The following KCP variants were observed in gnomAD, a reference collection of about 807,000 sequenced individuals.
KCP encodes kielin cysteine rich BMP regulator.
A neutral mutation model predicts 212.7 loss-of-function variants in KCP; 194 were observed. The observed-to-expected ratio is 0.91, with a 90% confidence interval of 0.81 to 1.03. KCP has a LOEUF of 1.03. KCP is among the 50% of genes least tolerant of loss of function. The pLI, the probability that KCP is intolerant of heterozygous loss-of-function variation, is 0.00. For missense variants in KCP, 2,080 were observed against 2,162.5 expected, an observed-to-expected ratio of 0.96 and a Z score of 0.76; for synonymous variants, 833 against 865.3, an observed-to-expected ratio of 0.96 and a Z score of 0.65.
rs1453468345 is a variant in KCP, at chr7:128,878,693, C to T, written c.4176G>A (p.Glu1392=). The change falls in exon 38 of 40, where the codon GAG becomes GAA. Residue 1392 remains glutamate, a synonymous_variant. Coordinates refer to ENST00000610776, the MANE Select transcript of KCP (RefSeq NM_001366122.1). ...CCTGGTAGGAGCCAGGTACGCTCAC[C>T]TCCACCTGGGACTGCCCATCCCACA... The part of the protein sequence containing the change: ...QVLWDGQSQV[E]VSVPGSYQGR... 7 of 1,550,646 alleles carry T rather than the reference C, an allele frequency of 4.5e-6. No individual in the cohort carries two copies. The highest frequency in any genetic ancestry group is 4.4e-6 in the Non-Finnish European group (5 of 1,146,960).
intron 5 of KCP, chr7:128,904,432 TTC>T (rs948397422): frequency 4.5e-6 from 6 of 1,319,720 alleles, no homozygotes; most frequent in Admixed American, 2.0e-5. Flanking sequence ...TCCTCCCTCT[TTC>T]TCTCTCTCCT....
chr7:128,879,408 GC>G, intron 37 of KCP, 113 bp downstream of exon 37: 1 of 832,836 alleles, frequency 1.2e-6, no homozygotes, highest in South Asian at 1.7e-5. Context: ...CCCACTCCTT[GC>G]CTTTTTTGGC....
In KCP at chr7:128,879,563, G is replaced by A. The variant is rs769548616; in HGVS notation, c.4105C>T (p.Arg1369Ter). 20 of 1,550,398 alleles carry A rather than the reference G, an allele frequency of 1.3e-5. No homozygotes were observed. Among genetic ancestry groups the A allele is most frequent in the African/African-American group, 6.8e-5 (5 of 73,120 alleles). Residue 1369 changes from arginine (R) to a stop codon, truncating the protein, a stop_gained, in exon 37 of 40, where the codon CGA (arginine) becomes TGA (stop). Coordinates refer to ENST00000610776, the MANE Select transcript of KCP (RefSeq NM_001366122.1). LOFTEE classifies it high-confidence loss of function. ...GCGTGCAGGATCACAGTGTGTCCTC[G>A]CAGCTCCACATACAGCAGCGGCTCC... ...LQEPLLYVEL[R>*]GHTVILHAQP...
Position 128,886,549 on chromosome 7 carries a change from C to T in KCP, c.2781G>A (p.Gln927=). Residue 927 remains glutamine, a synonymous_variant, in exon 26 of 40, where the codon CAG becomes CAA. Coordinates refer to ENST00000610776, the MANE Select transcript of KCP (RefSeq NM_001366122.1). ...GGCACTGCAGCCGCACACAGCTGAC[C>T]TGGCCAGCCTGTAGGAGATGCAGGG... ...SCEWCRCQAG[Q]VSCVRLQCPP... 6.4e-7 allele frequency: 1 copy of T among 1,551,120 alleles called. No individual in the cohort carries two copies. The highest frequency in any genetic ancestry group is 8.7e-7 in the Non-Finnish European group (1 of 1,146,770).
At chr7:128,903,877 G>A (rs1474292493) in intron 6 of KCP, 57 bp from the exon 7 acceptor site, 1 of 1,301,656 alleles carries the variant, frequency 7.7e-7, no homozygotes, top group South Asian at 1.3e-5. Context: ...AGGGCTGGGT[G>A]GGCGGGTGTT....
rs546761766 is a variant in KCP, at chr7:128,910,445, C to T, written c.76+156G>A. Among the ~76,000 whole-genome samples, 6 of 152,396 alleles carry T rather than the reference C, an allele frequency of 3.9e-5. No homozygotes were observed. The South Asian group carries it at 1.0e-3, about 26-fold the overall frequency. On this transcript the variant is annotated intron_variant, in intron 1 of 39. Coordinates refer to ENST00000610776, the MANE Select transcript of KCP (RefSeq NM_001366122.1). ...GTGGTCTTCCCCACCCTGCTCGCTC[C>T]CCCGACGGGGAGGACGGAGCTGGCC...
chr7:128,904,835 A>C (rs932078531), intron 5 of KCP, among the ~76,000 whole-genome samples: 3 of 152,260 alleles, frequency 2.0e-5, no homozygotes, highest in Admixed American at 1.3e-4. Context: ...AGCAGATGGC[A>C]GTAAAGTGTC....
chr7:128,901,348 C>T (rs191308848), intron 8 of KCP, among the ~76,000 whole-genome samples: 66 of 152,298 alleles, frequency 4.3e-4, no homozygotes, highest in African/African-American at 1.6e-3. Flanking sequence ...TGCTTTTGGC[C>T]GGGCGTGGTG....
At chr7:128,887,181 A>T (rs1348541381) in intron 23 of KCP, 34 bp downstream of exon 23, 1 of 1,533,420 alleles carries the variant, frequency 6.5e-7, no homozygotes, top group Non-Finnish European at 8.8e-7. Context: ...TCAAGGGAGG[A>T]AAGGTTACCA....
chr7:128,903,996 A>T (rs1352092193), intron 6 of KCP, 60 bp downstream of exon 6: 1 of 1,451,580 alleles, frequency 6.9e-7, no homozygotes, highest in Admixed American at 2.0e-5. Context: ...GGCAGGGCCC[A>T]GGGCAGGGCA....
chr7:128,908,296 A>AAGAAAGAAAGAC (rs1795258980), intron 2 of KCP, 130 bp downstream of exon 2: 1 of 670,482 alleles, frequency 1.5e-6, no homozygotes, highest in Non-Finnish European at 2.1e-6. Flanking sequence ...GAAAGAAAGA[A>AAGAAAGAAAGAC]AGAAAGAAAG....
At chr7:128,880,818 C>T in intron 32 of KCP, 97 bp from the exon 33 acceptor site, 1 of 403,326 alleles carries the variant, frequency 2.5e-6, no homozygotes, top group Non-Finnish European at 4.4e-6. Context: ...CTGCCTGCCC[C>T]TCCCACAATA....
In KCP at chr7:128,892,555, C is replaced by A. The variant is rs2128947745; in HGVS notation, c.1580G>T (p.Arg527Met). The change falls in exon 16 of 40, where the codon AGG (arginine) becomes ATG (methionine). Residue 527 changes from arginine to methionine, a missense_variant. Coordinates refer to ENST00000610776, the MANE Select transcript of KCP (RefSeq NM_001366122.1). Reference protein sequence around the residue: ...LVDCPPTTCARPQSGPGQCCP... With the variant: ...LVDCPPTTCAMPQSGPGQCCP... ...ACACTGGCCTGGTCCACTCTGGGGC[C>A]TGGCACAGGTCGTGGGAGGGCAGTC... 6.5e-7 allele frequency: 1 copy of A among 1,549,144 alleles called. No homozygotes were observed. Among genetic ancestry groups the A allele is most frequent in the Non-Finnish European group, 8.7e-7 (1 of 1,145,444 alleles).
chr7:128,884,926 G>T, intron 27 of KCP, 63 bp from the exon 28 acceptor site: 1 of 1,507,216 alleles, frequency 6.6e-7, no homozygotes, highest in Non-Finnish European at 9.0e-7. Context: ...CGAGGCAGGG[G>T]TGGAGTCCTC....
In KCP at chr7:128,891,578, A is replaced by G; in HGVS notation, c.1796-45T>C. 3 of 1,531,610 alleles carry G rather than the reference A, an allele frequency of 2.0e-6. No individual in the cohort carries two copies. The Middle Eastern group carries it at 5.2e-4, about 267-fold the overall frequency. The allele number at this position is 1,531,610 out of a possible 1,614,324, so 94.9% of individuals were successfully genotyped here. On this transcript the variant is annotated intron_variant, in intron 17 of 39. Coordinates refer to ENST00000610776, the MANE Select transcript of KCP (RefSeq NM_001366122.1). ...TAGCCTGGGAGAGGGCGACTGCCCC[A>G]GGGCGTGCTGCCTTCCGGGGGCCAT... is the stretch of plus-strand genomic sequence containing the variant.
intron 31 of KCP, among the ~76,000 whole-genome samples, 169 bp downstream of exon 31, chr7:128,881,457 T>C (rs1793328253): frequency 6.6e-6 from 1 of 152,104 alleles, no homozygotes; most frequent in East Asian, 1.9e-4. Context: ...GGGTCTCTTC[T>C]CCACCTCAAG....
rs1416269138 is a variant in KCP at position 128,880,659 on chromosome 7, C to T, written c.3576G>A (p.Ala1192=). 16 of 775,324 alleles carry T rather than the reference C, an allele frequency of 2.1e-5. No individual in the cohort carries two copies. The highest frequency in any genetic ancestry group is 7.4e-5 in the South Asian group (2 of 27,008). 48.0% of individuals were successfully genotyped at this position (775,324 alleles called of 1,614,324 possible). ...AGCAGCTGTCAGCCTGGGGCACCTT[C>T]GCCCAGCCATGGGGGCAGGAGAGGG... ...CQALSCPHGW[A]KVPQADSCCE... Residue 1192 remains alanine (A), a synonymous_variant, in exon 33 of 40, where the codon GCG becomes GCA. Coordinates refer to ENST00000610776, the MANE Select transcript of KCP (RefSeq NM_001366122.1).
intron 8 of KCP, among the ~76,000 whole-genome samples, chr7:128,899,291 G>A (rs972381349): frequency 9.2e-5 from 14 of 152,002 alleles, no homozygotes; most frequent in South Asian, 2.1e-4. Context: ...CTTTAATAGC[G>A]GCTGTCCTAA....
In KCP at chr7:128,878,564, G is replaced by T; in HGVS notation, c.4305C>A (p.Ser1435Arg). 1 of 1,551,116 alleles carries T rather than the reference G, an allele frequency of 6.4e-7. No homozygotes were observed. The highest frequency in any genetic ancestry group is 8.7e-7 in the Non-Finnish European group (1 of 1,146,776). Residue 1435 changes from serine (S) to arginine (R), a missense_variant, in exon 38 of 40, where the codon AGC becomes AGA. Physicochemically the swap from Ser to Arg is moderately radical, Grantham distance 110. Coordinates refer to ENST00000610776, the MANE Select transcript of KCP (RefSeq NM_001366122.1). ...LLPSEAAFGN[S>R]WQVSEGLWPG... ...CGGTTCCTGTACCACTCACCTGCCA[G>T]CTATTCCCAAACGCAGCCTCCGAGG...
Sources: allele counts gnomAD v4.1 joint callset (sites outside exome capture counted in the v4.1 genomes callset), GRCh38; gene constraint gnomAD v4.1.1; transcripts MANE v1.5; gene names NCBI Gene and HGNC (gene_info 2026-07-23, HGNC 2026-07-21).